ABI3BP: variants seen among roughly 807,000 people sequenced by gnomAD.
ABI3BP encodes the protein ABI family member 3 binding protein.
A neutral mutation model predicts 268.6 loss-of-function variants in ABI3BP; 216 were observed. The ratio of observed to expected loss-of-function variants is 0.80; its 90% CI spans 0.72 to 0.90. The LOEUF (loss-of-function observed/expected upper bound fraction) is 0.90, where lower values mean the gene tolerates loss of function less well. Among genes scored for constraint, ABI3BP ranks in the 40% least tolerant of loss-of-function variants. ABI3BP has a pLI of 0.00. For missense variants in ABI3BP, 2,090 were observed against 2,182.4 expected, an observed-to-expected ratio of 0.96 and a Z score of 0.84; for synonymous variants, 730 against 730.0, an observed-to-expected ratio of 1.00 and a Z score of 0.00.
At chr3:100,782,894 TAACC>T (rs1287597713) in intron 57 of ABI3BP, among the ~76,000 whole-genome samples, 1 of 152,070 alleles carries the variant, frequency 6.6e-6, no homozygotes. Context: ...CAGGCAGGAT[TAACC>T]AACACATCTT....
chr3:100,969,636 G>A (rs943068481), intron 1 of ABI3BP, among the ~76,000 whole-genome samples: 1 of 152,106 alleles, frequency 6.6e-6, no homozygotes, highest in African/African-American at 2.4e-5. Context: ...AAATCTCGAG[G>A]CATAGCTCTA....
At chr3:100,763,478 GAA>G (rs368689366) in intron 63 of ABI3BP, among the ~76,000 whole-genome samples, 1 of 149,096 alleles carries the variant, frequency 6.7e-6, no homozygotes. Context: ...AAAAAAAAAA[GAA>G]AAAAGAAAAA....
intron 62 of ABI3BP, 110 bp from the exon 63 acceptor site, chr3:100,766,059 A>G: frequency 1.3e-6 from 1 of 743,366 alleles, no homozygotes; most frequent in Non-Finnish European, 2.3e-6. Flanking sequence ...AGCAATTGAG[A>G]TGGAAGTTCT....
intron 35 of ABI3BP, 30 bp from the exon 36 acceptor site, chr3:100,824,971 T>A: frequency 6.6e-7 from 1 of 1,517,884 alleles, no homozygotes; most frequent in Non-Finnish European, 8.8e-7. Flanking sequence ...TGTGTTACTC[T>A]AGGTCTTATG....
chr3:100,979,003 T>C (rs2087781934), intron 1 of ABI3BP, among the ~76,000 whole-genome samples: 1 of 152,170 alleles, frequency 6.6e-6, no homozygotes, highest in Non-Finnish European at 1.5e-5. Context: ...GTTTCCAAAA[T>C]GTGATCCCAG....
chr3:100,936,498 G>C (rs2066196799), intron 1 of ABI3BP, among the ~76,000 whole-genome samples: 1 of 152,180 alleles, frequency 6.6e-6, no homozygotes, highest in South Asian at 2.1e-4. Context: ...CATAAAATGA[G>C]TTAGGGAGAA....
rs77605935 is a variant in ABI3BP at position 100,775,964 on chromosome 3, G to A, written c.4334-629C>T. Among the ~76,000 whole-genome samples, 578 of 152,268 alleles carry A rather than the reference G, an allele frequency of 3.8e-3. 4 individuals carry two copies. Among genetic ancestry groups the A allele is most frequent in the African/African-American group, 0.011 (441 of 41,546 alleles). On this transcript the variant is annotated intron_variant, in intron 59 of 67. Coordinates refer to ENST00000471714, the MANE Select transcript of ABI3BP (RefSeq NM_001375547.2). ...ATGAGAGCTGTCAGGAGACTCAGTG[G>A]CAGGCATGGAAGATGGCTACAGAAG...
chr3:100,830,658 C>G (rs1284470449), intron 31 of ABI3BP, 24 bp from the exon 32 acceptor site: 2 of 1,513,902 alleles, frequency 1.3e-6, no homozygotes, highest in Non-Finnish European at 8.8e-7. Context: ...ATAAAAGAAA[C>G]CAAAGAGATT....
At chr3:100,752,435 T>C (rs1402315992) in intron 66 of ABI3BP, 3 of 191,322 alleles carry the variant, frequency 1.6e-5, no homozygotes, top group East Asian at 1.3e-4. Context: ...GAAGATGTTA[T>C]ATTCATTCCA....
intron 48 of ABI3BP, among the ~76,000 whole-genome samples, chr3:100,810,932 A>G (rs1285961507): frequency 6.6e-6 from 1 of 152,154 alleles, no homozygotes; most frequent in Non-Finnish European, 1.5e-5. Flanking sequence ...ATTATCTGAA[A>G]CATTCAACAC....
intron 1 of ABI3BP, among the ~76,000 whole-genome samples, chr3:100,976,494 G>A (rs923696922): frequency 6.6e-6 from 1 of 152,140 alleles, no homozygotes; most frequent in Non-Finnish European, 1.5e-5. Flanking sequence ...GTAGTATCCT[G>A]TTTGGTTTGT....
Position 100,749,887 on chromosome 3 carries a change from G to A in ABI3BP, c.*608C>T. 1 of 395,104 alleles carries A rather than the reference G, an allele frequency of 2.5e-6. No individual in the cohort carries two copies. Among genetic ancestry groups the A allele is most frequent in the Admixed American group, 4.4e-5 (1 of 22,662 alleles). 24.5% of individuals were successfully genotyped at this position (395,104 alleles called of 1,614,324 possible). A position where few individuals can be genotyped will look rare whatever the true frequency, so the allele number is the denominator to read the frequency against. On this transcript the variant is annotated 3_prime_UTR_variant, in exon 68 of 68. Coordinates refer to ENST00000471714, the MANE Select transcript of ABI3BP (RefSeq NM_001375547.2). Reference sequence around the variant, plus strand: ...TGATTCAATCTTTTTAAGAATTTGTGGATGTTTAAAGGAAATGTATATTAG... The same window carrying A: ...TGATTCAATCTTTTTAAGAATTTGTAGATGTTTAAAGGAAATGTATATTAG...
intron 14 of ABI3BP, among the ~76,000 whole-genome samples, chr3:100,860,567 C>T (rs763810805): frequency 6.6e-6 from 1 of 152,158 alleles, no homozygotes; most frequent in Non-Finnish European, 1.5e-5. Flanking sequence ...ATTTTCGTCT[C>T]ATTGTAACTC....
At chr3:100,911,489 T>C (rs1429543852) in intron 2 of ABI3BP, 1 of 425,752 alleles carries the variant, frequency 2.3e-6, no homozygotes, top group South Asian at 2.7e-5. Flanking sequence ...TTGTTCATTG[T>C]TTTTCACTTT....
Position 100,749,825 on chromosome 3 carries a change from T to C in ABI3BP, c.*670A>G, listed in dbSNP as rs1466110705. ...GGTAAAAATGTATCTTTTGAAACAA[T>C]ATATTAGACTCCATTTTTAGCTGAA... On this transcript the variant is annotated 3_prime_UTR_variant, in exon 68 of 68. Coordinates refer to ENST00000471714, the MANE Select transcript of ABI3BP (RefSeq NM_001375547.2). 2.5e-6 allele frequency: 1 copy of C among 397,376 alleles called. No homozygotes were observed. The highest frequency in any genetic ancestry group is 4.4e-6 in the Non-Finnish European group (1 of 225,356). The allele number at this position is 397,376 out of a possible 1,614,324, so 24.6% of individuals were successfully genotyped here. A position where few individuals can be genotyped will look rare whatever the true frequency, so the allele number is the denominator to read the frequency against.
At chr3:100,978,348 A>G (rs1644227038) in intron 1 of ABI3BP, among the ~76,000 whole-genome samples, 2 of 152,216 alleles carry the variant, frequency 1.3e-5, no homozygotes, top group South Asian at 4.1e-4. Context: ...TTCTTCATTG[A>G]CCTAGTAAAG....
At chr3:100,931,896 A>G (rs2063758791) in intron 1 of ABI3BP, among the ~76,000 whole-genome samples, 1 of 152,144 alleles carries the variant, frequency 6.6e-6, no homozygotes, top group East Asian at 1.9e-4. Flanking sequence ...CCAAGTAGCC[A>G]AAGCAATTCT....
At chr3:100,877,990 T>C (rs1251276650) in intron 6 of ABI3BP, among the ~76,000 whole-genome samples, 1 of 152,202 alleles carries the variant, frequency 6.6e-6, no homozygotes, top group Non-Finnish European at 1.5e-5. Flanking sequence ...TCTTATGTTT[T>C]AAAAAAATCA....
chr3:100,868,079 G>T (rs891888230), intron 9 of ABI3BP, among the ~76,000 whole-genome samples: 1 of 152,050 alleles, frequency 6.6e-6, no homozygotes, highest in Non-Finnish European at 1.5e-5. Context: ...CAGTCTAGTG[G>T]CATGAAAGAA....
Sources: gnomAD v4.1 joint callset for allele counts (sites outside exome capture counted in the v4.1 genomes callset) on GRCh38, gnomAD v4.1.1 for gene constraint, MANE v1.5 for transcripts, NCBI Gene and HGNC (gene_info 2026-07-23, HGNC 2026-07-21) for gene names.